EEF2: variants seen among roughly 807,000 people sequenced by gnomAD.
EEF2 encodes the protein elongation factor 2.
In EEF2, 21 loss-of-function variants were observed where a neutral mutation model predicts 85.3. The observed-to-expected ratio is 0.25, with a 90% confidence interval of 0.17 to 0.35. EEF2 has a LOEUF of 0.35. EEF2 is among the 10% of genes least tolerant of loss of function. The probability of loss-of-function intolerance (pLI) is 1.00; values close to 1 mark genes in which losing one functional copy is unlikely to be tolerated. For missense variants in EEF2, 825 were observed against 1,225.3 expected, an observed-to-expected ratio of 0.67 and a Z score of 4.88; for synonymous variants, 723 against 508.8, an observed-to-expected ratio of 1.42 and a Z score of -5.67.
At position 3,976,507 on chromosome 19, in the gene EEF2, TGGGTGCTGC is replaced by T; in HGVS notation, c.*38_*46del. On this transcript the variant is annotated 3_prime_UTR_variant, in exon 15 of 15. Coordinates refer to ENST00000309311, the MANE Select transcript of EEF2 (RefSeq NM_001961.4). ...CTGAGAATTCGAGGACGTGGTGCTG[TGGGTGCTGC>T]GAGTCCCCGGGGCGGCAGGCGCTGC... 2 of 1,557,918 alleles carry T rather than the reference TGGGTGCTGC, an allele frequency of 1.3e-6. No homozygotes were observed. Among genetic ancestry groups the T allele is most frequent in the Non-Finnish European group, 1.7e-6 (2 of 1,151,602 alleles).
chr19:3,979,143 A>G (rs1367691689), intron 11 of EEF2, among the ~76,000 whole-genome samples, 186 bp downstream of exon 11: 1 of 152,124 alleles, frequency 6.6e-6, no homozygotes, highest in Non-Finnish European at 1.5e-5. Flanking sequence ...AAAAACAACA[A>G]CAACAACAAA....
At chr19:3,980,741 T>A in intron 8 of EEF2, 32 bp from the exon 9 acceptor site, 1 of 1,607,738 alleles carries the variant, frequency 6.2e-7, no homozygotes, top group African/African-American at 1.3e-5. Context: ...CAAGCTTTAT[T>A]CCAGTGCAGC....
intron 10 of EEF2, 52 bp downstream of exon 10, chr19:3,979,756 A>C: frequency 1.9e-6 from 3 of 1,582,998 alleles, no homozygotes; most frequent in Non-Finnish European, 2.6e-6. Flanking sequence ...CTCAGGACAC[A>C]AGCCGTCCCC....
chr19:3,982,918 C>T lies in EEF2; in HGVS notation c.501G>A (p.Leu167=), dbSNP rs370019323. Residue 167 remains leucine (L), a synonymous_variant, in exon 4 of 15, where the codon CTG becomes CTA. Coordinates refer to ENST00000309311, the MANE Select transcript of EEF2 (RefSeq NM_001961.4). ...MNKMDRALLE[L]QLEPEELYQT... is the part of the protein sequence containing the mutation. ...GGTAGAGCTCCTCGGGCTCCAGCTGCAGCTCCAGCAGGGCGCGGTCCATCT... is the reference window on the plus strand; with the variant it reads ...GGTAGAGCTCCTCGGGCTCCAGCTGTAGCTCCAGCAGGGCGCGGTCCATCT... The T allele has an allele frequency of 3.3e-5, 54 of 1,613,458 alleles. No homozygotes were observed. Among genetic ancestry groups the T allele is most frequent in the Non-Finnish European group, 4.5e-5 (53 of 1,180,016 alleles).
chr19:3,981,991 G>C lies in EEF2; in HGVS notation c.853C>G (p.Leu285Val), dbSNP rs1021263871. ...ATCAGCTGGCAGAAGGTGCGTGGCAGCTTCTTCCCTTCGGGGCTGGTGGCT... is the reference window on the plus strand; with the variant it reads ...ATCAGCTGGCAGAAGGTGCGTGGCACCTTCTTCCCTTCGGGGCTGGTGGCT... ...KSATSPEGKK[L>V]PRTFCQLILD... The change falls in exon 6 of 15, where the codon CTG becomes GTG. Residue 285 changes from leucine (L) to valine (V), a missense_variant. By Grantham distance (32) the Leu-to-Val change is conservative (BLOSUM62 1). Coordinates refer to ENST00000309311, the MANE Select transcript of EEF2 (RefSeq NM_001961.4). The C allele has an allele frequency of 5.0e-6, 8 of 1,614,216 alleles. No individual in the cohort carries two copies. Among genetic ancestry groups the C allele is most frequent in the South Asian group, 1.1e-5 (1 of 91,086 alleles).
intron 2 of EEF2, 77 bp downstream of exon 2, chr19:3,984,059 G>T: frequency 6.6e-7 from 1 of 1,520,518 alleles, no homozygotes; most frequent in Non-Finnish European, 9.0e-7. Flanking sequence ...GTCTCTCCCC[G>T]CGCACCCTGG....
Position 3,977,670 on chromosome 19 carries a change from C to T in EEF2, c.2068-60G>A. On this transcript the variant is annotated intron_variant, in intron 12 of 14. Transcript: ENST00000309311. The surrounding 1 kb of genome is among the most constrained non-coding windows in gnomAD (Gnocchi z 5.4). ...ACACACCTCGGCTGCTTGCCCTCCA[C>T]CTGCCAAGTCCTGCAGGTCTCCACC... 3 of 1,474,146 alleles carry T rather than the reference C, an allele frequency of 2.0e-6. No homozygotes were observed. Among genetic ancestry groups the T allele is most frequent in the Non-Finnish European group, 2.7e-6 (3 of 1,118,268 alleles). The allele number at this position is 1,474,146 out of a possible 1,614,324, so 91.3% of individuals were successfully genotyped here. A position where few individuals can be genotyped will look rare whatever the true frequency, so the allele number is the denominator to read the frequency against.
chr19:3,979,303 G>A (rs753546348), intron 11 of EEF2, 26 bp downstream of exon 11: 10 of 1,593,614 alleles, frequency 6.3e-6, no homozygotes, highest in Non-Finnish European at 8.6e-6. Flanking sequence ...GTGGGGCGTG[G>A]GGAAGGCTGG....
At chr19:3,982,117 C>A in intron 5 of EEF2, 65 bp from the exon 6 acceptor site, 2 of 1,601,868 alleles carry the variant, frequency 1.2e-6, no homozygotes, top group South Asian at 2.2e-5. Context: ...GGAGGGTGGT[C>A]GCCAAGGGGA....
At chr19:3,983,595 G>A (rs1215360631) in intron 2 of EEF2, among the ~76,000 whole-genome samples, 1 of 152,074 alleles carries the variant, frequency 6.6e-6, no homozygotes, top group Non-Finnish European at 1.5e-5. Context: ...AGACCCAGCA[G>A]GACGGCAAAA....
chr19:3,981,670 A>G (rs542254520), intron 6 of EEF2, among the ~76,000 whole-genome samples: 16 of 152,376 alleles, frequency 1.1e-4, no homozygotes, highest in Admixed American at 9.1e-4. Flanking sequence ...TCTGACTCAG[A>G]CAAGGACCCA....
At position 3,982,378 on chromosome 19, in the gene EEF2, C is replaced by A; in HGVS notation, c.659G>T (p.Gly220Val). 1 of 1,614,144 alleles carries A rather than the reference C, an allele frequency of 6.2e-7. No homozygotes were observed. Among genetic ancestry groups the A allele is most frequent in the Non-Finnish European group, 8.5e-7 (1 of 1,180,038 alleles). The change falls in exon 5 of 15, where the codon GGG becomes GTG. Residue 220 changes from glycine (G) to valine (V), a missense_variant. Gly to Val is a moderately radical substitution (Grantham distance 109). Coordinates refer to ENST00000309311, the MANE Select transcript of EEF2 (RefSeq NM_001961.4). ...AAACTGCTTCAGGGTGAAGGCCCACCCGTGGAGGCCAGACCCAAAGCCCAC... is the reference window on the plus strand; with the variant it reads ...AAACTGCTTCAGGGTGAAGGCCCACACGTGGAGGCCAGACCCAAAGCCCAC... The part of the protein sequence containing the change: ...GTVGFGSGLH[G>V]WAFTLKQFAE...
chr19:3,981,225 G>A, intron 7 of EEF2, 114 bp downstream of exon 7: 1 of 1,147,262 alleles, frequency 8.7e-7, no homozygotes, highest in Non-Finnish European at 1.3e-6. Flanking sequence ...AGCGAAAGGG[G>A]CAGCAGCTGT....
chr19:3,985,005 C>A (rs1200215975), intron 1 of EEF2: 2 of 289,514 alleles, frequency 6.9e-6, no homozygotes, highest in Non-Finnish European at 1.3e-5. Flanking sequence ...CCCTAGTCCC[C>A]CGGCAGAAAA....
chr19:3,977,037 T>A lies in EEF2; in HGVS notation c.2383+178A>T, dbSNP rs2039687397. Among the ~76,000 whole-genome samples, 1 of 152,132 alleles carries A rather than the reference T, an allele frequency of 6.6e-6. No individual in the cohort carries two copies. Among genetic ancestry groups the A allele is most frequent in the Non-Finnish European group, 1.5e-5 (1 of 68,014 alleles). ...CTCACACTGGGGATAGGAGAGCCCC[T>A]CCCCTGGGAATTCAGTGATTTAGGG... On this transcript the variant is annotated intron_variant, in intron 14 of 14. Transcript: ENST00000309311. The surrounding 1 kb of genome is among the most constrained non-coding windows in gnomAD (Gnocchi z 5.4).
At position 3,981,318 on chromosome 19, in the gene EEF2, AG is replaced by A; in HGVS notation, c.1011+20del. 6 of 1,609,520 alleles carry A rather than the reference AG, an allele frequency of 3.7e-6. No individual in the cohort carries two copies. The highest frequency in any genetic ancestry group is 5.1e-6 in the Non-Finnish European group (6 of 1,175,888). On this transcript the variant is annotated intron_variant, in intron 7 of 14. Coordinates refer to ENST00000309311, the MANE Select transcript of EEF2 (RefSeq NM_001961.4). ...AGCAGCCTGTGTTCCCTCCACCCCG[AG>A]GGCTGGGCCCAGGCCGCACCTTCAG...
chr19:3,984,282 G>C lies in EEF2; in HGVS notation c.72C>G (p.Val24=), dbSNP rs1260676200. Residue 24 remains valine (V), a synonymous_variant, in exon 2 of 15, where the codon GTC becomes GTG. Transcript: ENST00000309311. The part of the protein sequence containing the change: ...DKKANIRNMS[V]IAHVDHGKST... The stretch of plus-strand genomic sequence containing the variant: ...ACTTGCCATGGTCCACGTGGGCGAT[G>C]ACAGACATGTTGCGGATGTTGGCCT... 6.2e-7 allele frequency: 1 copy of C among 1,614,090 alleles called. No homozygotes were observed. Among genetic ancestry groups the C allele is most frequent in the Admixed American group, 1.7e-5 (1 of 60,016 alleles).
At position 3,977,781 on chromosome 19, in the gene EEF2, A is replaced by G; in HGVS notation, c.2067+38T>C. The G allele has an allele frequency of 6.5e-7, 1 of 1,531,592 alleles. No individual in the cohort carries two copies. Among genetic ancestry groups the G allele is most frequent in the South Asian group, 1.3e-5 (1 of 79,946 alleles). The allele number at this position is 1,531,592 out of a possible 1,614,324, so 94.9% of individuals were successfully genotyped here. On this transcript the variant is annotated intron_variant, in intron 12 of 14. Coordinates refer to ENST00000309311, the MANE Select transcript of EEF2 (RefSeq NM_001961.4). This position sits in a 1 kb window ranked among gnomAD's most constrained non-coding sequence, Gnocchi z 5.4. ...ACCATGAGGTCCCTCTAGAGCCTGGAAACGGGTGTGGTCTGCACATGCTGA... is the reference window on the plus strand; with the variant it reads ...ACCATGAGGTCCCTCTAGAGCCTGGGAACGGGTGTGGTCTGCACATGCTGA...
Position 3,984,013 on chromosome 19 carries a change from A to G in EEF2, c.218+123T>C, listed in dbSNP as rs188138412. The G allele has an allele frequency of 1.8e-4, 186 of 1,024,886 alleles. 1 individual carries two copies. In the African/African-American group the frequency reaches 2.4e-3, roughly 13 times the overall value. The allele number at this position is 1,024,886 out of a possible 1,614,324, so 63.5% of individuals were successfully genotyped here. A position where few individuals can be genotyped will look rare whatever the true frequency, so the allele number is the denominator to read the frequency against. ...TGGACTGAACCTCACTCATTCTCCC[A>G]TGAATTAAGAAACCAGGGGAAAGAG... On this transcript the variant is annotated intron_variant, in intron 2 of 14. Coordinates refer to ENST00000309311, the MANE Select transcript of EEF2 (RefSeq NM_001961.4).
Sources: allele counts gnomAD v4.1 joint callset (sites outside exome capture counted in the v4.1 genomes callset), GRCh38; gene constraint gnomAD v4.1.1; non-coding constraint Gnocchi (gnomAD v3.1); transcripts MANE v1.5; gene names NCBI Gene and HGNC (gene_info 2026-07-23, HGNC 2026-07-21).